The following TGFB1 variants were observed in gnomAD, a reference collection of about 807,000 sequenced individuals.
TGFB1 encodes the protein transforming growth factor beta 1.
A neutral mutation model predicts 43.8 loss-of-function variants in TGFB1; 19 were observed. The observed-to-expected ratio is 0.43, with a 90% confidence interval of 0.30 to 0.64. The LOEUF is 0.64. TGFB1 is among the 30% of genes least tolerant of loss of function. TGFB1 has a pLI of 0.11. For synonymous variants in TGFB1, 221 were observed against 236.3 expected, an observed-to-expected ratio of 0.94 and a Z score of 0.60; for missense variants, 445 against 529.8, an observed-to-expected ratio of 0.84 and a Z score of 1.57.
At chr19:41,332,870 C>G (rs1197902430) in intron 5 of TGFB1, among the ~76,000 whole-genome samples, 1 of 152,174 alleles carries the variant, frequency 6.6e-6, no homozygotes, top group Non-Finnish European at 1.5e-5. Context: ...GACCCTGTCT[C>G]TACAAAATTT....
intron 1 of TGFB1, among the ~76,000 whole-genome samples, chr19:41,352,395 C>G (rs1208462896): frequency 1.4e-5 from 2 of 147,000 alleles, no homozygotes; most frequent in Admixed American, 6.9e-5. Flanking sequence ...TACCCTCCCC[C>G]TATTGCTTGT....
intron 2 of TGFB1, among the ~76,000 whole-genome samples, chr19:41,347,004 G>A (rs796129102): frequency 4.6e-5 from 7 of 151,968 alleles, no homozygotes; most frequent in African/African-American, 1.7e-4. Flanking sequence ...GGGATTGCAG[G>A]CATGAGCCAC....
intron 5 of TGFB1, among the ~76,000 whole-genome samples, chr19:41,339,803 A>C (rs1028787295): frequency 6.6e-6 from 1 of 152,056 alleles, no homozygotes; most frequent in South Asian, 2.1e-4. Context: ...CAGCCTGGGC[A>C]ACAGAGCGAG....
chr19:41,353,323 T>A lies in TGFB1; in HGVS notation c.-279A>T. ...GTGGCAGGTCGGAGAGAGATCCGTC[T>A]CCTGGAGGAGAAAGGGTCTAGGATG... is the stretch of plus-strand genomic sequence containing the variant. On this transcript the variant is annotated 5_prime_UTR_variant, in exon 1 of 7. Coordinates refer to ENST00000221930, the MANE Select transcript of TGFB1 (RefSeq NM_000660.7). The surrounding 1 kb of genome is among the most constrained non-coding windows in gnomAD (Gnocchi z 5.9). 2.3e-6 allele frequency: 1 copy of A among 427,080 alleles called. No homozygotes were observed. The highest frequency in any genetic ancestry group is 4.2e-6 in the Non-Finnish European group (1 of 239,972). 26.5% of individuals were successfully genotyped at this position (427,080 alleles called of 1,614,324 possible).
Position 41,352,977 on chromosome 19 carries a change from G to T in TGFB1, c.68C>A (p.Pro23His). The stretch of plus-strand genomic sequence containing the variant: ...GGATAGTCCCGCGGCCGGCCGGCCA[G>T]GCGTCAGCACCAGTAGCCACAGCAG... ...LPLLWLLVLT[P>H]GRPAAGLSTC... Residue 23 changes from proline (P) to histidine (H), a missense_variant, in exon 1 of 7, where the codon CCT (proline) becomes CAT (histidine). Pro to His is a moderately conservative substitution (Grantham distance 77, BLOSUM62 -2). This residue lies in a region of TGFB1 where 366 missense variants were observed against 428.8 expected (regional missense o/e 0.85). Transcript: ENST00000221930. 1 of 1,542,566 alleles carries T rather than the reference G, an allele frequency of 6.5e-7. No individual in the cohort carries two copies. The highest frequency in any genetic ancestry group is 2.4e-5 in the East Asian group (1 of 41,020).
chr19:41,344,109 A>G (rs1323381086), intron 3 of TGFB1, among the ~76,000 whole-genome samples: 2 of 149,432 alleles, frequency 1.3e-5, no homozygotes, highest in East Asian at 2.0e-4. Context: ...CAGTCTCCCA[A>G]GCAGCTGGAA....
rs971940988 is a variant in TGFB1, at chr19:41,335,146, G to A, written c.861-2865C>T. On this transcript the variant is annotated intron_variant, in intron 5 of 6. Coordinates refer to ENST00000221930, the MANE Select transcript of TGFB1 (RefSeq NM_000660.7). ...CAGCTCACTGCAACCTCCGTCTCCC[G>A]GGTTCAAGCAATTCTCCTGCCTCAG... 4.6e-5 allele frequency among the ~76,000 whole-genome samples: 7 copies of A among 151,258 alleles called. No homozygotes were observed. In the East Asian group the frequency reaches 7.9e-4, roughly 17 times the overall value.
At position 41,352,923 on chromosome 19, in the gene TGFB1, A is replaced by C. The variant is rs1017621656; in HGVS notation, c.122T>G (p.Val41Gly). The C allele has an allele frequency of 9.6e-6, 15 of 1,556,732 alleles. No individual in the cohort carries two copies. Among genetic ancestry groups the C allele is most frequent in the Admixed American group, 1.9e-5 (1 of 51,736 alleles). The change falls in exon 1 of 7, where the codon GTG becomes GGG. Residue 41 changes from valine to glycine, a missense_variant. By Grantham distance (109) the Val-to-Gly change is moderately radical. Around this residue, in one of 3 missense-constraint regions of TGFB1, gnomAD observed 366 missense variants for 428.8 expected, o/e 0.85. Transcript: ENST00000221930. ...STCKTIDMEL[V>G]KRKRIEAIRG... ...GATGGCCTCGATGCGCTTCCGCTTCACCAGCTCCATGTCGATAGTCTTGCA... is the reference window on the plus strand; with the variant it reads ...GATGGCCTCGATGCGCTTCCGCTTCCCCAGCTCCATGTCGATAGTCTTGCA...
chr19:41,338,113 A>C (rs2123090571), intron 5 of TGFB1, among the ~76,000 whole-genome samples: 1 of 151,878 alleles, frequency 6.6e-6, no homozygotes, highest in East Asian at 1.9e-4. Flanking sequence ...AATTGCTTGA[A>C]CCTGGGAGGC....
intron 3 of TGFB1, among the ~76,000 whole-genome samples, chr19:41,343,009 C>A (rs1426444989): frequency 6.6e-6 from 1 of 152,138 alleles, no homozygotes; most frequent in Non-Finnish European, 1.5e-5. Flanking sequence ...TGTGCCGAAG[C>A]CTGTGCTGTG....
chr19:41,353,188 C>T lies in TGFB1; in HGVS notation c.-144G>A, dbSNP rs1290225233. The T allele has an allele frequency of 1.8e-5, 19 of 1,069,964 alleles. No individual in the cohort carries two copies. The East Asian group carries it at 2.3e-4, about 13-fold the overall frequency. The allele number at this position is 1,069,964 out of a possible 1,614,324, so 66.3% of individuals were successfully genotyped here. On this transcript the variant is annotated 5_prime_UTR_variant, in exon 1 of 7. Coordinates refer to ENST00000221930, the MANE Select transcript of TGFB1 (RefSeq NM_000660.7). The surrounding 1 kb of genome is among the most constrained non-coding windows in gnomAD (Gnocchi z 5.9). ...AAGCTGAGGTCCTCAGGGAGAAGGG[C>T]GCAGTGGTGGAGGGGAGGCTTGGAC...
chr19:41,345,752 A>C (rs141877078), intron 2 of TGFB1, among the ~76,000 whole-genome samples: 3 of 151,252 alleles, frequency 2.0e-5, no homozygotes, highest in Non-Finnish European at 4.4e-5. Context: ...AAATACAAAA[A>C]TTAGCCAGGC....
chr19:41,333,867 A>G (rs1481383092), intron 5 of TGFB1, among the ~76,000 whole-genome samples: 1 of 152,262 alleles, frequency 6.6e-6, no homozygotes, highest in African/African-American at 2.4e-5. Flanking sequence ...GCAGTTATGC[A>G]AGAAAATATA....
At chr19:41,352,513 G>T (rs74865332) in intron 1 of TGFB1, among the ~76,000 whole-genome samples, 177 bp downstream of exon 1, 1,974 of 152,246 alleles carry the variant, frequency 0.013, 41 homozygotes, top group African/African-American at 0.045. Context: ...GGGTGGTAGG[G>T]GGCTCAGTGC....
chr19:41,350,457 G>A (rs938598610), intron 1 of TGFB1, among the ~76,000 whole-genome samples: 2 of 151,666 alleles, frequency 1.3e-5, no homozygotes, highest in African/African-American at 2.4e-5. Context: ...GGCGCCGCCC[G>A]CCACCCCGCC....
chr19:41,341,765 G>T, intron 5 of TGFB1, 118 bp downstream of exon 5: 8 of 1,351,470 alleles, frequency 5.9e-6, no homozygotes, highest in Non-Finnish European at 8.4e-6. Context: ...CAAGCTAAAG[G>T]AGACAGATGC....
Position 41,332,111 on chromosome 19 carries a change from C to T in TGFB1, c.1014+17G>A, listed in dbSNP as rs200550755. The T allele has an allele frequency of 5.5e-5, 89 of 1,606,566 alleles. No individual in the cohort carries two copies. The highest frequency in any genetic ancestry group is 6.7e-5 in the Admixed American group (4 of 59,868). On this transcript the variant is annotated intron_variant, in intron 6 of 6. Transcript: ENST00000221930. ...CTCCCCCCAAGCGCATCTCGTAGCCCGGTGGGCCAGACGTACCTTGCTGTA... is the reference window on the plus strand; with the variant it reads ...CTCCCCCCAAGCGCATCTCGTAGCCTGGTGGGCCAGACGTACCTTGCTGTA...
chr19:41,344,278 C>G (rs2123102621), intron 3 of TGFB1, among the ~76,000 whole-genome samples: 1 of 152,234 alleles, frequency 6.6e-6, no homozygotes, highest in Non-Finnish European at 1.5e-5. Flanking sequence ...AGCCACCATG[C>G]CCAGCCCCAG....
chr19:41,346,289 G>A (rs898101749), intron 2 of TGFB1, among the ~76,000 whole-genome samples: 5 of 152,194 alleles, frequency 3.3e-5, no homozygotes, highest in African/African-American at 7.2e-5. Flanking sequence ...AGCAAAGGTT[G>A]TGGTGAGCCA....
Sources: allele counts gnomAD v4.1 joint callset (sites outside exome capture counted in the v4.1 genomes callset), GRCh38; gene constraint gnomAD v4.1.1; regional missense constraint gnomAD v4.1.1; non-coding constraint Gnocchi (gnomAD v3.1); transcripts MANE v1.5; gene names NCBI Gene and HGNC (gene_info 2026-07-23, HGNC 2026-07-21).